Variants in GALNT8 observed in about 807,000 individuals in gnomAD.
GALNT8 encodes probable polypeptide N-acetylgalactosaminyltransferase 8.
A neutral mutation model predicts 62.7 loss-of-function variants in GALNT8; 66 were observed. The ratio of observed to expected loss-of-function variants is 1.05; its 90% confidence interval spans 0.86 to 1.29. The LOEUF is 1.29. Ranked by LOEUF, GALNT8 falls within the 50% of genes most tolerant of loss-of-function variation. The pLI is 0.00. For synonymous variants in GALNT8, 288 were observed against 294.3 expected (o/e 0.98, Z 0.22); for missense variants, 771 against 791.8 (o/e 0.97, Z 0.32).
chr12:4,723,101 AC>A (rs1302873767), intron 1 of GALNT8, among the ~76,000 whole-genome samples: 2 of 152,154 alleles, frequency 1.3e-5, no homozygotes, highest in Admixed American at 1.3e-4. Context: ...TTATTATGGT[AC>A]AGTTTTATGG....
chr12:4,725,881 G>A (rs1186014864), intron 1 of GALNT8, among the ~76,000 whole-genome samples: 6 of 152,160 alleles, frequency 3.9e-5, no homozygotes, highest in Admixed American at 6.5e-5. Flanking sequence ...TTACGATCAC[G>A]CAAGTTGGAA....
At chr12:4,733,138 A>G (rs1946227961) in intron 2 of GALNT8, among the ~76,000 whole-genome samples, 1 of 152,260 alleles carries the variant, frequency 6.6e-6, no homozygotes, top group Non-Finnish European at 1.5e-5. Context: ...ACTTAAATGT[A>G]AATTAATTAA....
chr12:4,742,896 G>C (rs543353184), intron 3 of GALNT8, among the ~76,000 whole-genome samples: 1 of 152,146 alleles, frequency 6.6e-6, no homozygotes, highest in South Asian at 2.1e-4. Context: ...CCGTCGAGGC[G>C]TCCTTAATCT....
At chr12:4,756,094 T>C (rs1418127025) in intron 6 of GALNT8, among the ~76,000 whole-genome samples, 3 of 152,220 alleles carry the variant, frequency 2.0e-5, no homozygotes, top group Non-Finnish European at 4.4e-5. Context: ...TTAGGGCCAA[T>C]AAATTTCATG....
At position 4,726,529 on chromosome 12, in the gene GALNT8, C is replaced by T; in HGVS notation, c.212-3C>T. The T allele has an allele frequency of 2.5e-6, 4 of 1,605,436 alleles. No homozygotes were observed. In the South Asian group the frequency reaches 4.4e-5, roughly 18 times the overall value. The stretch of plus-strand genomic sequence containing the variant: ...CTCCCACCCCTGTCCTCTTCATTTG[C>T]AGAAGAAAGTATGAAATTAGCTCTG... On this transcript the variant is annotated splice_region_variant and splice_polypyrimidine_tract_variant and intron_variant, in intron 1 of 10. Transcript: ENST00000252318. The surrounding 1 kb of genome is among the most constrained non-coding windows in gnomAD (Gnocchi z 4.1).
rs75838574 is a variant in GALNT8 at position 4,767,096 on chromosome 12, T to C, written c.1761+1550T>C. 7.8e-3 allele frequency among the ~76,000 whole-genome samples: 1,182 copies of C among 152,146 alleles called. 19 individuals carry two copies. Among genetic ancestry groups the C allele is most frequent in the East Asian group, 0.055 (286 of 5,160 alleles). On this transcript the variant is annotated intron_variant, in intron 10 of 10. Transcript: ENST00000252318. The stretch of plus-strand genomic sequence containing the variant: ...ACCTTAGGCCTTTCTGCAGGTATTA[T>C]TCCCTCCCCTCCCGCTTCTTCACCA...
intron 8 of GALNT8, 91 bp from the exon 9 acceptor site, chr12:4,763,861 G>C (rs1946385147): frequency 1.3e-6 from 1 of 753,198 alleles, no homozygotes; most frequent in South Asian, 1.5e-5. Flanking sequence ...TGGTGTCCTC[G>C]GTGTGTTGGG....
rs1946371408 is a variant in GALNT8, at chr12:4,761,250, T to G, written c.1359+107T>G. The stretch of plus-strand genomic sequence containing the variant: ...AAGTGCCATCGCAGCCCTAAAGAAT[T>G]AGGGTAAGGTCCTGATGGTGTGATA... On this transcript the variant is annotated intron_variant, in intron 7 of 10. Coordinates refer to ENST00000252318, the MANE Select transcript of GALNT8 (RefSeq NM_017417.2). The G allele has an allele frequency of 2.2e-5, 18 of 828,776 alleles. 1 individual carries two copies. In the South Asian group the frequency reaches 3.0e-4, roughly 14 times the overall value. The allele number at this position is 828,776 out of a possible 1,614,324, so 51.3% of individuals were successfully genotyped here.
chr12:4,765,575 T>G (rs750069465), intron 10 of GALNT8, 29 bp downstream of exon 10: 5 of 1,555,764 alleles, frequency 3.2e-6, no homozygotes, highest in Non-Finnish European at 3.5e-6. Context: ...TTTGTTGGTT[T>G]GTTTGTTTTG....
At chr12:4,728,929 G>A (rs527891978) in intron 2 of GALNT8, among the ~76,000 whole-genome samples, 71 of 152,280 alleles carry the variant, frequency 4.7e-4, no homozygotes, top group African/African-American at 1.5e-3. Flanking sequence ...CATTAACTCT[G>A]TAGCTCTGCA....
rs573102388 is a variant in GALNT8 at position 4,769,768 on chromosome 12, G to T, written c.1762-2677G>T. 2.6e-3 allele frequency among the ~76,000 whole-genome samples: 402 copies of T among 151,956 alleles called. 4 individuals are homozygous for T. Among genetic ancestry groups the T allele is most frequent in the Non-Finnish European group, 2.8e-3 (193 of 67,990 alleles). On this transcript the variant is annotated intron_variant, in intron 10 of 10. Coordinates refer to ENST00000252318, the MANE Select transcript of GALNT8 (RefSeq NM_017417.2). The stretch of plus-strand genomic sequence containing the variant: ...TAGTCAATCATCCCCTCCCCTGAAA[G>T]CCATCAGCGATCCTGAGGACATGAC...
At chr12:4,748,503 G>A (rs973885011) in intron 6 of GALNT8, among the ~76,000 whole-genome samples, 3 of 151,988 alleles carry the variant, frequency 2.0e-5, no homozygotes, top group African/African-American at 7.3e-5. Flanking sequence ...TGTGTTTTTG[G>A]CACCTTTGTC....
intron 6 of GALNT8, among the ~76,000 whole-genome samples, chr12:4,747,845 C>T (rs898125568): frequency 1.1e-4 from 16 of 151,718 alleles, no homozygotes; most frequent in East Asian, 1.9e-4. Context: ...CAACAGTGGA[C>T]GAGGGTTCCC....
At chr12:4,765,279 C>T (rs1470120836) in intron 9 of GALNT8, 100 bp from the exon 10 acceptor site, 1 of 1,203,140 alleles carries the variant, frequency 8.3e-7, no homozygotes, top group African/African-American at 1.6e-5. Context: ...CTAGGGGCCC[C>T]AAGATCATTC....
intron 7 of GALNT8, among the ~76,000 whole-genome samples, chr12:4,762,987 G>A (rs1295383039): frequency 2.0e-5 from 3 of 152,214 alleles, no homozygotes; most frequent in African/African-American, 4.8e-5. Flanking sequence ...TTACAGCTCC[G>A]TGTTTGCCTT....
At chr12:4,767,873 G>A (rs1033916580) in intron 10 of GALNT8, among the ~76,000 whole-genome samples, 17 of 152,162 alleles carry the variant, frequency 1.1e-4, no homozygotes, top group African/African-American at 3.6e-4. Flanking sequence ...ATGGTACTCG[G>A]TGCAAAGGAG....
intron 2 of GALNT8, among the ~76,000 whole-genome samples, chr12:4,736,597 A>C (rs946056327): frequency 6.7e-6 from 1 of 149,108 alleles, no homozygotes; most frequent in Admixed American, 6.7e-5. Context: ...AGAGAAAAGA[A>C]AAAAAAAAAA....
chr12:4,721,961 G>C (rs963898315), intron 1 of GALNT8, among the ~76,000 whole-genome samples: 21 of 152,154 alleles, frequency 1.4e-4, no homozygotes, highest in African/African-American at 5.1e-4. Context: ...GACTCTTAAC[G>C]AGCATGCTGC....
rs1555070809 is a variant in GALNT8 at position 4,765,439 on chromosome 12, G to A, written c.1654G>A (p.Ala552Thr). ...YVGQLIAEAS[A>T]SDRCLTDPGK... The stretch of plus-strand genomic sequence containing the variant: ...GGGACAACTGATTGCAGAGGCCAGT[G>A]CTAGTGATCGCTGCCTGACAGACCC... Residue 552 changes from alanine to threonine, a missense_variant, in exon 10 of 11, where the codon GCT becomes ACT. By Grantham distance (58) the Ala-to-Thr change is moderately conservative. Transcript: ENST00000252318. 1.1e-5 allele frequency: 17 copies of A among 1,609,608 alleles called. No homozygotes were observed. The South Asian group carries it at 1.9e-4, about 18-fold the overall frequency.
Sources: gnomAD v4.1 joint callset for allele counts (sites outside exome capture counted in the v4.1 genomes callset) on GRCh38, gnomAD v4.1.1 for gene constraint, Gnocchi (gnomAD v3.1) non-coding constraint, MANE v1.5 for transcripts, NCBI Gene and HGNC (gene_info 2026-07-23, HGNC 2026-07-21) for gene names.